Variants in SECISBP2 observed in about 807,000 individuals in gnomAD.
The protein encoded by SECISBP2 is selenocysteine insertion sequence-binding protein 2.
A neutral mutation model predicts 98.2 loss-of-function variants in SECISBP2; 96 were observed. That is an observed-to-expected ratio of 0.98 (90% CI 0.83 to 1.16). The LOEUF is 1.16. SECISBP2 is among the 50% of genes most tolerant of loss of function. The pLI, the probability that SECISBP2 is intolerant of heterozygous loss-of-function variation, is 0.00. For synonymous variants in SECISBP2, 407 were observed against 370.2 expected, an observed-to-expected ratio of 1.10 and a Z score of -1.14; for missense variants, 1,046 against 1,022.9, an observed-to-expected ratio of 1.02 and a Z score of -0.31.
intron 1 of SECISBP2, 112 bp downstream of exon 1, chr9:89,318,724 G>T (rs1825137230): frequency 8.0e-7 from 1 of 1,255,380 alleles, no homozygotes; most frequent in East Asian, 3.2e-5. Flanking sequence ...TCGGATGCTG[G>T]TGACGGCACG....
chr9:89,332,980 A>ACG lies in SECISBP2; in HGVS notation c.875_876insGC (p.Arg293GlnfsTer31). 1 of 1,613,580 alleles carries ACG rather than the reference A, an allele frequency of 6.2e-7. No individual in the cohort carries two copies. Among genetic ancestry groups the ACG allele is most frequent in the Non-Finnish European group, 8.5e-7 (1 of 1,179,612 alleles). On this transcript the variant is annotated frameshift_variant, in exon 6 of 17. Transcript: ENST00000375807. LOFTEE classifies it high-confidence loss of function. ...TGCCGCTACCAATTCTCCTTCATGTACAAGAGGTAAAAGTGGCTGCAAAAA... is the reference window on the plus strand; with the variant it reads ...TGCCGCTACCAATTCTCCTTCATGTACGCAAGAGGTAAAAGTGGCTGCAAAAA...
chr9:89,358,178 A>C lies in SECISBP2; in HGVS notation c.2448A>C (p.Glu816Asp). Residue 816 changes from glutamate (E) to aspartate (D), a missense_variant, in exon 16 of 17, where the codon GAA becomes GAC. Transcript: ENST00000375807. ...GCCCCCCAGCCCTGAAAGAAAAAGA[A>C]GAGCCACACTACAGTGAGTGCTTAA... ...EDGPPALKEK[E>D]EPHYIEIWKK... The C allele has an allele frequency of 6.2e-7, 1 of 1,611,218 alleles. No homozygotes were observed. The highest frequency in any genetic ancestry group is 8.5e-7 in the Non-Finnish European group (1 of 1,179,080).
chr9:89,355,240 G>A (rs1270002052), intron 14 of SECISBP2: 1 of 985,326 alleles, frequency 1.0e-6, no homozygotes, highest in Non-Finnish European at 1.2e-6. Context: ...AACAGTTGTT[G>A]TTTTTTACAG....
At chr9:89,331,005 G>A (rs1051312281) in intron 5 of SECISBP2, among the ~76,000 whole-genome samples, 27 of 152,140 alleles carry the variant, frequency 1.8e-4, no homozygotes, top group African/African-American at 6.5e-4. Context: ...TTATGTGTGG[G>A]CTTTTTAAAA....
chr9:89,341,490 C>G lies in SECISBP2; in HGVS notation c.1435+11C>G, dbSNP rs746805812. On this transcript the variant is annotated intron_variant, in intron 10 of 16. Transcript: ENST00000375807. Reference sequence around the variant, plus strand: ...CAGTGGTAGTCTCAGGTAAGAGAGTCTTTCCATCTCAGGCAAGTGATTGGA... The same window carrying G: ...CAGTGGTAGTCTCAGGTAAGAGAGTGTTTCCATCTCAGGCAAGTGATTGGA... 67 of 1,613,706 alleles carry G rather than the reference C, an allele frequency of 4.2e-5. No individual in the cohort carries two copies. The highest frequency in any genetic ancestry group is 1.6e-4 in the Middle Eastern group (1 of 6,084).
chr9:89,325,293 A>C, intron 2 of SECISBP2, 134 bp from the exon 3 acceptor site: 1 of 790,998 alleles, frequency 1.3e-6, no homozygotes, highest in South Asian at 1.7e-5. Context: ...TTTGGCTTTT[A>C]ATTAGGGATT....
chr9:89,334,255 T>C (rs1828251821), intron 6 of SECISBP2: 5 of 1,131,426 alleles, frequency 4.4e-6, no homozygotes, highest in Non-Finnish European at 5.8e-6. Flanking sequence ...AACTACTGTT[T>C]GTCTACCCAC....
chr9:89,363,576 G>C (rs371371974), downstream of SECISBP2: 143 of 1,609,954 alleles, frequency 8.9e-5, no homozygotes, highest in Non-Finnish European at 1.2e-4. Flanking sequence ...GGCCTTTATG[G>C]CACCCTTGAT....
chr9:89,363,739 A>G (rs1833130457), downstream of SECISBP2: 2 of 1,611,508 alleles, frequency 1.2e-6, no homozygotes, highest in Non-Finnish European at 1.7e-6. Context: ...GGAATCACTT[A>G]CCAGGTCTCA....
intron 10 of SECISBP2, 78 bp downstream of exon 10, chr9:89,341,557 T>C (rs1829660502): frequency 1.3e-6 from 2 of 1,521,632 alleles, no homozygotes; most frequent in African/African-American, 2.7e-5. Context: ...TTTTCTCTTG[T>C]TATCAAAAGT....
At chr9:89,325,272 C>G (rs1826494959) in intron 2 of SECISBP2, 155 bp from the exon 3 acceptor site, 1 of 689,004 alleles carries the variant, frequency 1.5e-6, no homozygotes, top group African/African-American at 1.8e-5. Flanking sequence ...AAGAAACACC[C>G]AGAGATTTTA....
At chr9:89,335,382 G>T (rs1828490000) in intron 7 of SECISBP2, among the ~76,000 whole-genome samples, 1 of 151,968 alleles carries the variant, frequency 6.6e-6, no homozygotes, top group Non-Finnish European at 1.5e-5. Context: ...GCCCAGCCTG[G>T]AGTGCAGTGG....
chr9:89,324,764 C>T (rs566943722), intron 2 of SECISBP2: 2 of 152,670 alleles, frequency 1.3e-5, no homozygotes, highest in South Asian at 4.1e-4. Context: ...ATTGTATCAG[C>T]TTTCATGGGA....
chr9:89,336,081 CTTTTTTTTTTTTTTTT>C (rs59799418), intron 7 of SECISBP2, among the ~76,000 whole-genome samples: 2 of 33,058 alleles, frequency 6.0e-5, no homozygotes, highest in South Asian at 9.8e-4. Flanking sequence ...ATTTTAAGTG[CTTTTTTTTTTTTTTTT>C]TTTTTTTTTT....
At chr9:89,353,143 G>C (rs1831535471) in intron 14 of SECISBP2, among the ~76,000 whole-genome samples, 1 of 152,150 alleles carries the variant, frequency 6.6e-6, no homozygotes, top group Non-Finnish European at 1.5e-5. Context: ...CAGAGGGCTG[G>C]GGAAAACACA....
intron 8 of SECISBP2, among the ~76,000 whole-genome samples, chr9:89,339,145 A>C (rs1329936020): frequency 6.6e-6 from 1 of 152,184 alleles, no homozygotes; most frequent in African/African-American, 2.4e-5. Context: ...TTTTCTTTAC[A>C]TTGCTGTACC....
intron 7 of SECISBP2, among the ~76,000 whole-genome samples, chr9:89,335,215 GAA>G (rs557569242): frequency 8.2e-5 from 10 of 122,164 alleles, no homozygotes; most frequent in Non-Finnish European, 1.4e-4. Context: ...GACGTCGTCT[GAA>G]AAAAAAAAAA....
chr9:89,348,768 GGGCTGT>G (rs1830815164), intron 12 of SECISBP2, among the ~76,000 whole-genome samples: 1 of 152,230 alleles, frequency 6.6e-6, no homozygotes, highest in Non-Finnish European at 1.5e-5. Flanking sequence ...ACCCCACCAG[GGGCTGT>G]GGCTGTGGCT....
chr9:89,338,234 C>G (rs1267734218), intron 7 of SECISBP2, among the ~76,000 whole-genome samples: 2 of 152,184 alleles, frequency 1.3e-5, no homozygotes, highest in Non-Finnish European at 2.9e-5. Flanking sequence ...CACCAGTTTT[C>G]AAAAGGAATT....
Sources: allele counts gnomAD v4.1 joint callset (sites outside exome capture counted in the v4.1 genomes callset), GRCh38; gene constraint gnomAD v4.1.1; transcripts MANE v1.5; gene names NCBI Gene and HGNC (gene_info 2026-07-23, HGNC 2026-07-21).